Variants in DLG2 observed in about 807,000 individuals in gnomAD.
DLG2 encodes the protein discs large MAGUK scaffold protein 2.
A neutral mutation model predicts 132.5 loss-of-function variants in DLG2; 45 were observed. The observed-to-expected ratio is 0.34, with a 90% CI of 0.27 to 0.44. The LOEUF (loss-of-function observed/expected upper bound fraction) is 0.44. Among genes scored for constraint, DLG2 ranks in the 20% least tolerant of loss-of-function variants. The pLI is 1.00. For missense variants in DLG2, 1,045 were observed against 1,196.9 expected, an observed-to-expected ratio of 0.87 and a Z score of 1.87; for synonymous variants, 424 against 419.6, an observed-to-expected ratio of 1.01 and a Z score of -0.13.
chr11:84,464,736 GCTT>G (rs1331126493), intron 7 of DLG2, among the ~76,000 whole-genome samples: 3 of 150,980 alleles, frequency 2.0e-5, no homozygotes, highest in Admixed American at 1.3e-4. Context: ...ACTTGAATAA[GCTT>G]CTTCTGAATG....
chr11:85,427,276 A>T (rs896347869), intron 3 of DLG2, among the ~76,000 whole-genome samples: 1 of 152,106 alleles, frequency 6.6e-6, no homozygotes, highest in Non-Finnish European at 1.5e-5. Context: ...ATACAGAGAA[A>T]GCCACAAAGA....
intron 6 of DLG2, among the ~76,000 whole-genome samples, chr11:84,697,527 T>C (rs538648588): frequency 4.6e-5 from 7 of 151,630 alleles, no homozygotes; most frequent in Admixed American, 1.3e-4. Flanking sequence ...GTATAGTCTT[T>C]CCAATGCAAT....
chr11:84,037,007 C>A (rs1194320356), intron 11 of DLG2, among the ~76,000 whole-genome samples: 16 of 151,992 alleles, frequency 1.1e-4, no homozygotes, highest in Admixed American at 1.3e-4. Flanking sequence ...CTTGCTGGGG[C>A]CATCTGAAAT....
intron 8 of DLG2, among the ~76,000 whole-genome samples, chr11:84,217,441 G>A (rs1360515969): frequency 1.3e-5 from 2 of 152,120 alleles, no homozygotes; most frequent in Non-Finnish European, 2.9e-5. Context: ...AGTGAGATGT[G>A]CCCTTCATCT....
At chr11:84,519,648 G>C (rs1203901352) in intron 7 of DLG2, among the ~76,000 whole-genome samples, 1 of 152,102 alleles carries the variant, frequency 6.6e-6, no homozygotes. Flanking sequence ...AATTGGGCAG[G>C]CCTCACAGAC....
At chr11:83,831,185 A>G (rs747033257) in intron 17 of DLG2, among the ~76,000 whole-genome samples, 4 of 152,236 alleles carry the variant, frequency 2.6e-5, no homozygotes, top group Non-Finnish European at 4.4e-5. Context: ...CTAGTACAGA[A>G]AGACAGACAT....
intron 7 of DLG2, among the ~76,000 whole-genome samples, chr11:84,303,146 G>T (rs2098175157): frequency 6.6e-6 from 1 of 151,848 alleles, no homozygotes; most frequent in Non-Finnish European, 1.5e-5. Flanking sequence ...ACTTGAAGTT[G>T]GAAACATATT....
chr11:84,038,994 G>A (rs1001319916), intron 11 of DLG2, among the ~76,000 whole-genome samples: 2 of 151,870 alleles, frequency 1.3e-5, no homozygotes, highest in African/African-American at 4.8e-5. Flanking sequence ...CCCATGACAC[G>A]TGGGCATTAT....
intron 4 of DLG2, among the ~76,000 whole-genome samples, chr11:85,277,059 A>T (rs1289730572): frequency 2.0e-5 from 3 of 152,214 alleles, no homozygotes; most frequent in Non-Finnish European, 4.4e-5. Context: ...CAAAGGGAAA[A>T]ATATTCCAGG....
rs77526231 is a variant in DLG2, at chr11:85,255,445, G to A, written c.186+29775C>T. 9.5e-3 allele frequency among the ~76,000 whole-genome samples: 1,451 copies of A among 152,232 alleles called. 19 individuals carry two copies. Among genetic ancestry groups the A allele is most frequent in the African/African-American group, 0.032 (1,312 of 41,516 alleles). ...TAAAATGCCATATACTCATAATAAT[G>A]CTTAAACATCTAAATTAATTTCACC... is the stretch of plus-strand genomic sequence containing the variant. On this transcript the variant is annotated intron_variant, in intron 4 of 27. Transcript: ENST00000376104.
intron 15 of DLG2, among the ~76,000 whole-genome samples, chr11:83,891,029 G>A (rs542491799): frequency 1.1e-4 from 16 of 152,252 alleles, no homozygotes; most frequent in African/African-American, 3.9e-4. Flanking sequence ...TGATTAGTTT[G>A]AGGGAATATG....
At chr11:83,663,110 T>C (rs2074735481) in intron 18 of DLG2, among the ~76,000 whole-genome samples, 1 of 152,210 alleles carries the variant, frequency 6.6e-6, no homozygotes, top group Non-Finnish European at 1.5e-5. Flanking sequence ...TCTATTTTCC[T>C]GACTAATTTA....
chr11:85,484,745 C>A (rs1379670241), intron 3 of DLG2, among the ~76,000 whole-genome samples: 1 of 150,128 alleles, frequency 6.7e-6, no homozygotes, highest in Non-Finnish European at 1.5e-5. Context: ...CACTTTTACA[C>A]TGTTGGTGGG....
At chr11:84,757,108 C>A (rs2066986616) in intron 6 of DLG2, among the ~76,000 whole-genome samples, 1 of 152,112 alleles carries the variant, frequency 6.6e-6, no homozygotes, top group Admixed American at 6.6e-5. Flanking sequence ...CTCTGGAATT[C>A]TCTTCCTTTG....
chr11:85,546,818 C>CTTTT (rs34822004), intron 3 of DLG2, among the ~76,000 whole-genome samples: 195 of 68,986 alleles, frequency 2.8e-3, no homozygotes, highest in Non-Finnish European at 3.5e-3. Context: ...ATAACCCCTG[C>CTTTT]TTTTTTTTTT....
At chr11:85,147,702 A>T (rs1286569908) in intron 5 of DLG2, among the ~76,000 whole-genome samples, 1 of 152,206 alleles carries the variant, frequency 6.6e-6, no homozygotes, top group Non-Finnish European at 1.5e-5. Context: ...AAAGTTATTT[A>T]ACTACTGACT....
At chr11:84,252,102 A>T (rs1423711082) in intron 7 of DLG2, among the ~76,000 whole-genome samples, 1 of 148,254 alleles carries the variant, frequency 6.7e-6, no homozygotes, top group African/African-American at 2.5e-5. Context: ...ATCTACGTTT[A>T]CACATTATGC....
chr11:85,510,851 A>G (rs1031835002), intron 3 of DLG2, among the ~76,000 whole-genome samples: 2 of 152,182 alleles, frequency 1.3e-5, no homozygotes, highest in African/African-American at 4.8e-5. Flanking sequence ...ATACCATTTG[A>G]CCCAGCCATC....
At chr11:85,296,467 CTTTTTTT>C (rs66526147) in intron 3 of DLG2, among the ~76,000 whole-genome samples, 2 of 121,548 alleles carry the variant, frequency 1.6e-5, no homozygotes, top group South Asian at 2.7e-4. Flanking sequence ...TTTCGATTTT[CTTTTTTT>C]TTTTTTTTTT....
Sources: allele counts gnomAD v4.1 joint callset (sites outside exome capture counted in the v4.1 genomes callset), GRCh38; gene constraint gnomAD v4.1.1; transcripts MANE v1.5; gene names NCBI Gene and HGNC (gene_info 2026-07-23, HGNC 2026-07-21).